KNTC1: variants seen among roughly 807,000 people sequenced by gnomAD.
The protein encoded by KNTC1 is kinetochore-associated protein 1.
In KNTC1, 253 loss-of-function variants were observed where a neutral mutation model predicts 314.4. That is an observed-to-expected ratio of 0.80 (90% CI 0.73 to 0.89). The LOEUF (loss-of-function observed/expected upper bound fraction) is 0.89, where lower values mean the gene tolerates loss of function less well. Among genes scored for constraint, KNTC1 ranks in the 40% least tolerant of loss-of-function variants. The probability of loss-of-function intolerance (pLI) is 0.00; values close to 1 mark genes in which losing one functional copy is unlikely to be tolerated. For synonymous variants in KNTC1, 901 were observed against 901.4 expected (o/e 1.00, Z 0.01); for missense variants, 2,475 against 2,572.9 (o/e 0.96, Z 0.82).
intron 62 of KNTC1, among the ~76,000 whole-genome samples, chr12:122,624,367 C>T (rs1874778218): frequency 1.3e-5 from 2 of 152,270 alleles, no homozygotes; most frequent in South Asian, 4.1e-4. Flanking sequence ...CTCCTGGGTT[C>T]AAGCGATCCT....
At position 122,573,173 on chromosome 12, in the gene KNTC1, T is replaced by C; in HGVS notation, c.2171T>C (p.Phe724Ser). 3 of 1,613,970 alleles carry C rather than the reference T, an allele frequency of 1.9e-6. No individual in the cohort carries two copies. The highest frequency in any genetic ancestry group is 1.1e-5 in the South Asian group (1 of 91,080). ...ENTTTIVFRM[F>S]DKVLAPELIP... ...ACAACCACCATAGTGTTCCGAATGT[T>C]TGATAAAGTGCTGGCCCCAGAGCTT... The change falls in exon 26 of 64, where the codon TTT becomes TCT. Residue 724 changes from phenylalanine to serine, a missense_variant. Physicochemically the swap from Phe to Ser is radical, Grantham distance 155. Transcript: ENST00000333479.
At chr12:122,561,672 C>T (rs1402500072) in intron 18 of KNTC1, among the ~76,000 whole-genome samples, 1 of 151,794 alleles carries the variant, frequency 6.6e-6, no homozygotes, top group Non-Finnish European at 1.5e-5. Flanking sequence ...CAGGGTCATC[C>T]TGAACTCCTG....
chr12:122,569,757 A>G lies in KNTC1; in HGVS notation c.1793A>G (p.Gln598Arg). ...TCAATGTCTGCATCAGTCTCTTTGC[A>G]AAAGCTGTGTCCATGGTTTAAAAAT... ...LNSMSASVSL[Q>R]KLCPWFKNDV... Residue 598 changes from glutamine to arginine, a missense_variant, in exon 22 of 64, where the codon CAA (glutamine) becomes CGA (arginine). Transcript: ENST00000333479. 1.2e-6 allele frequency: 2 copies of G among 1,613,898 alleles called. No individual in the cohort carries two copies. Among genetic ancestry groups the G allele is most frequent in the Non-Finnish European group, 1.7e-6 (2 of 1,179,808 alleles).
chr12:122,615,615 A>G (rs1593686977), intron 57 of KNTC1, 89 bp downstream of exon 57: 1 of 1,237,902 alleles, frequency 8.1e-7, no homozygotes, highest in East Asian at 2.7e-5. Context: ...TTAAGCAGTC[A>G]GCTCCTTCTT....
At chr12:122,581,489 G>A (rs1295387772) in intron 33 of KNTC1, among the ~76,000 whole-genome samples, 7 of 150,574 alleles carry the variant, frequency 4.6e-5, no homozygotes, top group Admixed American at 3.3e-4. Context: ...GTGAGCCACC[G>A]CGCCTGGCCT....
chr12:122,625,837 T>G lies in KNTC1; in HGVS notation c.6607-368T>G, dbSNP rs1175554261. 3.3e-5 allele frequency among the ~76,000 whole-genome samples: 5 copies of G among 152,194 alleles called. No individual in the cohort carries two copies. In the East Asian group the frequency reaches 9.6e-4, roughly 29 times the overall value. Reference sequence around the variant, plus strand: ...GTAGCTTTATTTTTTATTTGCTGTTTTTCAGATCGGAATATTTTGGTAGCT... The same window carrying G: ...GTAGCTTTATTTTTTATTTGCTGTTGTTCAGATCGGAATATTTTGGTAGCT... On this transcript the variant is annotated intron_variant, in intron 63 of 63. Coordinates refer to ENST00000333479, the MANE Select transcript of KNTC1 (RefSeq NM_014708.6).
chr12:122,622,009 T>A lies in KNTC1; in HGVS notation c.6369+39T>A. The A allele has an allele frequency of 1.5e-6, 2 of 1,368,276 alleles. 1 individual carries two copies. The allele number at this position is 1,368,276 out of a possible 1,614,324, so 84.8% of individuals were successfully genotyped here. A position where few individuals can be genotyped will look rare whatever the true frequency, so the allele number is the denominator to read the frequency against. ...TCATCTCCTTTTTGCTATGAAAATG[T>A]TGATACTAGAAGGTAGTCATTTTCC... is the stretch of plus-strand genomic sequence containing the variant. On this transcript the variant is annotated intron_variant, in intron 61 of 63. Coordinates refer to ENST00000333479, the MANE Select transcript of KNTC1 (RefSeq NM_014708.6).
chr12:122,561,326 TA>T (rs1565957000), intron 18 of KNTC1, among the ~76,000 whole-genome samples: 12 of 151,346 alleles, frequency 7.9e-5, no homozygotes, highest in African/African-American at 2.4e-4. Flanking sequence ...AAAAAAAAAA[TA>T]ATAATAATAA....
intron 20 of KNTC1, among the ~76,000 whole-genome samples, chr12:122,566,267 G>A (rs1415131566): frequency 1.3e-5 from 2 of 148,606 alleles, no homozygotes. Flanking sequence ...TTTTCAATGA[G>A]ACAGAGTCTT....
chr12:122,616,211 A>T (rs940792737), intron 57 of KNTC1, among the ~76,000 whole-genome samples: 2 of 151,862 alleles, frequency 1.3e-5, no homozygotes, highest in Admixed American at 1.3e-4. Context: ...TCCCTTCATA[A>T]TTATCTCCCT....
intron 57 of KNTC1, among the ~76,000 whole-genome samples, chr12:122,616,067 A>G (rs1387671512): frequency 6.6e-6 from 1 of 152,128 alleles, no homozygotes; most frequent in Non-Finnish European, 1.5e-5. Context: ...CATCTTTTCT[A>G]CATTTCACAT....
chr12:122,546,103 A>G (rs1962739565), intron 8 of KNTC1, 73 bp from the exon 9 acceptor site: 2 of 843,062 alleles, frequency 2.4e-6, no homozygotes, highest in Non-Finnish European at 2.0e-6. Flanking sequence ...TAAAACTTAC[A>G]TGTTTCTACT....
At chr12:122,554,362 G>A (rs552384959) in intron 16 of KNTC1, among the ~76,000 whole-genome samples, 389 of 151,992 alleles carry the variant, frequency 2.6e-3, no homozygotes, top group Non-Finnish European at 4.5e-3. Flanking sequence ...GATTACAGGT[G>A]TGAGCCACCA....
In KNTC1 at chr12:122,615,104, C is replaced by T. The variant is rs755451193; in HGVS notation, c.5973+18C>T. On this transcript the variant is annotated intron_variant, in intron 56 of 63. Transcript: ENST00000333479. ...TCAATATGGTAAGTAAGACTCAATGCCCTCGACTAAGTATATTTGAAAGCT... is the reference window on the plus strand; with the variant it reads ...TCAATATGGTAAGTAAGACTCAATGTCCTCGACTAAGTATATTTGAAAGCT... 9.8e-6 allele frequency: 15 copies of T among 1,538,134 alleles called. No individual in the cohort carries two copies. Among genetic ancestry groups the T allele is most frequent in the Non-Finnish European group, 1.1e-5 (12 of 1,115,608 alleles).
chr12:122,573,056 G>C lies in KNTC1; in HGVS notation c.2139G>C (p.Lys713Asn), dbSNP rs758361544. 1 of 1,612,412 alleles carries C rather than the reference G, an allele frequency of 6.2e-7. No individual in the cohort carries two copies. Among genetic ancestry groups the C allele is most frequent in the African/African-American group, 1.3e-5 (1 of 74,906 alleles). The change falls in exon 25 of 64, where the codon AAG (lysine) becomes AAC (asparagine). Residue 713 changes from lysine to asparagine, a missense_variant and splice_region_variant. Transcript: ENST00000333479. ...AATTAGCCCTCTCTGATTTTGAGAA[G>C]GTAAAGTCCAGGGTCATAAGAATTA... ...NCKLALSDFE[K>N]ENTTTIVFRM...
At chr12:122,622,654 A>G (rs369231291) in intron 62 of KNTC1, 47 bp downstream of exon 62, 8 of 1,439,464 alleles carry the variant, frequency 5.6e-6, no homozygotes, top group Non-Finnish European at 7.4e-6. Context: ...TTTCCTTAAA[A>G]TCTATCTTTA....
intron 36 of KNTC1, 53 bp downstream of exon 36, chr12:122,585,043 C>CTTT: frequency 2.2e-5 from 18 of 817,328 alleles, no homozygotes; most frequent in South Asian, 5.1e-5. Context: ...CATTATGCAC[C>CTTT]TTTTTTTTTT....
chr12:122,624,537 G>T, intron 62 of KNTC1, 61 bp from the exon 63 acceptor site: 1 of 1,257,532 alleles, frequency 8.0e-7, no homozygotes. Flanking sequence ...CTGAGTGCCG[G>T]GATTGTAGGC....
chr12:122,597,689 C>T (rs1315118591), intron 43 of KNTC1, 42 bp from the exon 44 acceptor site: 1 of 1,527,784 alleles, frequency 6.5e-7, no homozygotes, highest in African/African-American at 1.4e-5. Context: ...ATGGAAATGC[C>T]TGCAGTTTGG....
Sources: allele counts gnomAD v4.1 joint callset (sites outside exome capture counted in the v4.1 genomes callset), GRCh38; gene constraint gnomAD v4.1.1; transcripts MANE v1.5; gene names NCBI Gene and HGNC (gene_info 2026-07-23, HGNC 2026-07-21).